The following CNTN3 variants were observed in gnomAD, a reference collection of about 807,000 sequenced individuals.
CNTN3 encodes contactin 3.
In CNTN3, 60 loss-of-function variants were observed where a neutral mutation model predicts 119.1. That is an observed-to-expected ratio of 0.50 (90% CI 0.41 to 0.62). The LOEUF (loss-of-function observed/expected upper bound fraction) is 0.62, where lower values mean the gene tolerates loss of function less well. Among genes scored for constraint, CNTN3 ranks in the 20% least tolerant of loss-of-function variants. The probability of loss-of-function intolerance (pLI) is 0.00; values close to 1 mark genes in which losing one functional copy is unlikely to be tolerated. For synonymous variants in CNTN3, 450 were observed against 438.7 expected (o/e 1.03, Z -0.32); for missense variants, 1,101 against 1,242.4 (o/e 0.89, Z 1.71).
rs1480347941 is a variant in CNTN3, at chr3:74,594,132, G to A, written c.-81+20259C>T. ...ACTCTGAATAGATTGTAAGCACTGA[G>A]TCTGTTGTGCACTTCCTAGTGTAGT... On this transcript the variant is annotated intron_variant, in intron 1 of 22. Coordinates refer to ENST00000263665, the MANE Select transcript of CNTN3 (RefSeq NM_020872.3). Among the ~76,000 whole-genome samples, 3 of 151,902 alleles carry A rather than the reference G, an allele frequency of 2.0e-5. No homozygotes were observed. In the East Asian group the frequency reaches 5.8e-4, roughly 29 times the overall value.
chr3:74,288,567 A>G (rs1376065345), intron 19 of CNTN3, among the ~76,000 whole-genome samples: 1 of 152,166 alleles, frequency 6.6e-6, no homozygotes, highest in African/African-American at 2.4e-5. Flanking sequence ...GCATTCTATT[A>G]TGGCACATTA....
intron 4 of CNTN3, among the ~76,000 whole-genome samples, chr3:74,481,481 A>C (rs2107028674): frequency 6.6e-6 from 1 of 152,024 alleles, no homozygotes; most frequent in Non-Finnish European, 1.5e-5. Context: ...TTGGAAATTT[A>C]AAATACATGT....
At chr3:74,315,445 G>GC (rs1483691337) in intron 13 of CNTN3, among the ~76,000 whole-genome samples, 1 of 152,008 alleles carries the variant, frequency 6.6e-6, no homozygotes, top group African/African-American at 2.4e-5. Context: ...CTCTCTTGGG[G>GC]TCTGGATTGG....
intron 3 of CNTN3, among the ~76,000 whole-genome samples, chr3:74,497,563 A>T (rs1175234614): frequency 6.6e-6 from 1 of 151,930 alleles, no homozygotes; most frequent in Admixed American, 6.6e-5. Context: ...TTTTAGTTTA[A>T]GTGAAATTTT....
Position 74,365,587 on chromosome 3 carries a change from A to T in CNTN3, c.1062T>A (p.Asn354Lys), listed in dbSNP as rs1237681743. Residue 354 changes from asparagine to lysine, a missense_variant, in exon 9 of 23, where the codon AAT (asparagine) becomes AAA (lysine). Physicochemically the swap from Asn to Lys is moderately conservative, Grantham distance 94 (BLOSUM62 0). Transcript: ENST00000263665. ...KPKPSYRWLK[N>K]GAALVLEERT... ...TTACCTCTAGCACCAGGGCTGCTCCATTTTTCAGCCATCGGTAGGAAGGCT... is the reference window on the plus strand; with the variant it reads ...TTACCTCTAGCACCAGGGCTGCTCCTTTTTTCAGCCATCGGTAGGAAGGCT... 1 of 1,613,300 alleles carries T rather than the reference A, an allele frequency of 6.2e-7. No homozygotes were observed. Among genetic ancestry groups the T allele is most frequent in the East Asian group, 2.2e-5 (1 of 44,838 alleles).
intron 5 of CNTN3, among the ~76,000 whole-genome samples, chr3:74,421,180 A>AT (rs948294122): frequency 5.9e-4 from 90 of 151,886 alleles, no homozygotes; most frequent in Middle Eastern, 3.4e-3. Flanking sequence ...TATTTATTTT[A>AT]TTTTTTTTGA....
rs1312887099 is a variant in CNTN3, at chr3:74,336,566, C to T, written c.1457G>A (p.Gly486Glu). The T allele has an allele frequency of 1.9e-6, 3 of 1,612,708 alleles. No homozygotes were observed. Among genetic ancestry groups the T allele is most frequent in the Non-Finnish European group, 2.5e-6 (3 of 1,179,110 alleles). ...CAAATGTGTTGTGCCATTTGCTTTC[C>T]CAAACTGGTTTTCTGCCATGCAGGT... ...TYTCMAENQF[G>E]KANGTTHLVV... The change falls in exon 12 of 23, where the codon GGG (glycine) becomes GAG (glutamate). Residue 486 changes from glycine (G) to glutamate (E), a missense_variant. By Grantham distance (98) the Gly-to-Glu change is moderately conservative. Transcript: ENST00000263665.
chr3:74,302,583 A>G (rs1702481040), intron 14 of CNTN3, 107 bp downstream of exon 14: 2 of 683,796 alleles, frequency 2.9e-6, no homozygotes, highest in Middle Eastern at 2.5e-4. Context: ...GATGAAATCA[A>G]TATTATAACT....
At chr3:74,271,811 C>T (rs924783745) in intron 20 of CNTN3, among the ~76,000 whole-genome samples, 1 of 152,148 alleles carries the variant, frequency 6.6e-6, no homozygotes, top group Admixed American at 6.5e-5. Context: ...TATGCACCCC[C>T]CCAATAGTAA....
At chr3:74,323,932 T>G (rs1457392003) in intron 13 of CNTN3, among the ~76,000 whole-genome samples, 1 of 152,076 alleles carries the variant, frequency 6.6e-6, no homozygotes, top group Non-Finnish European at 1.5e-5. Context: ...GTTAAGATAT[T>G]TAAAATTTGG....
intron 4 of CNTN3, among the ~76,000 whole-genome samples, chr3:74,456,100 C>G (rs953262666): frequency 6.6e-6 from 1 of 151,958 alleles, no homozygotes; most frequent in Non-Finnish European, 1.5e-5. Context: ...GTAAAATGTC[C>G]TATACTTACA....
chr3:74,567,736 T>C (rs527313139), intron 1 of CNTN3, among the ~76,000 whole-genome samples: 51 of 152,182 alleles, frequency 3.4e-4, no homozygotes, highest in African/African-American at 1.1e-3. Flanking sequence ...ATGCTCAGAA[T>C]AGCATGGAGG....
chr3:74,520,045 T>C (rs1703516740), intron 2 of CNTN3, among the ~76,000 whole-genome samples: 1 of 151,630 alleles, frequency 6.6e-6, no homozygotes, highest in African/African-American at 2.4e-5. Flanking sequence ...CTACTCCATT[T>C]GGCCTCATTC....
intron 1 of CNTN3, among the ~76,000 whole-genome samples, chr3:74,571,633 C>T (rs1704335960): frequency 6.6e-6 from 1 of 152,090 alleles, no homozygotes. Context: ...AGTTATTATT[C>T]AGAAATAATA....
intron 4 of CNTN3, among the ~76,000 whole-genome samples, chr3:74,460,645 C>G (rs1163730584): frequency 6.6e-6 from 1 of 151,074 alleles, no homozygotes; most frequent in Non-Finnish European, 1.5e-5. Context: ...ATCCTGTGAC[C>G]TTGCTGAATT....
In CNTN3 at chr3:74,316,345, G is replaced by A. The variant is rs190635594; in HGVS notation, c.1669-13538C>T. Reference sequence around the variant, plus strand: ...AAAAAGTAAAAAAATAACAGATGATGGCAAGGTTGTGGAGTAAAGGAAACA... The same window carrying A: ...AAAAAGTAAAAAAATAACAGATGATAGCAAGGTTGTGGAGTAAAGGAAACA... On this transcript the variant is annotated intron_variant, in intron 13 of 22. Coordinates refer to ENST00000263665, the MANE Select transcript of CNTN3 (RefSeq NM_020872.3). Among the ~76,000 whole-genome samples, 39 of 152,286 alleles carry A rather than the reference G, an allele frequency of 2.6e-4. No homozygotes were observed. In the East Asian group the frequency reaches 5.6e-3, roughly 22 times the overall value.
chr3:74,467,643 T>G (rs578060340), intron 4 of CNTN3, among the ~76,000 whole-genome samples: 22 of 152,160 alleles, frequency 1.4e-4, no homozygotes, highest in African/African-American at 5.1e-4. Context: ...TATCTGAAAT[T>G]AAGGGGTTGA....
chr3:74,330,795 A>G (rs755074768), intron 13 of CNTN3, among the ~76,000 whole-genome samples: 80 of 152,184 alleles, frequency 5.3e-4, no homozygotes, highest in Non-Finnish European at 2.6e-4. Flanking sequence ...GCGTAGGCCT[A>G]GGGTAACCTG....
intron 1 of CNTN3, among the ~76,000 whole-genome samples, chr3:74,575,769 C>G (rs1169207892): frequency 6.6e-6 from 1 of 151,942 alleles, no homozygotes; most frequent in African/African-American, 2.4e-5. Flanking sequence ...CTGTCTTAAA[C>G]CATGTGAAAT....
Sources: allele counts gnomAD v4.1 joint callset (sites outside exome capture counted in the v4.1 genomes callset), GRCh38; gene constraint gnomAD v4.1.1; transcripts MANE v1.5; gene names NCBI Gene and HGNC (gene_info 2026-07-23, HGNC 2026-07-21).